RFTN1: variants seen among roughly 807,000 people sequenced by gnomAD.
RFTN1 encodes the protein raftlin.
In RFTN1, 26 loss-of-function variants were observed where a neutral mutation model predicts 46.5. The ratio of observed to expected loss-of-function variants is 0.56; its 90% confidence interval spans 0.41 to 0.78. RFTN1 has a LOEUF of 0.78. Ranked by LOEUF, RFTN1 falls within the 30% of genes least tolerant of loss-of-function variation. The pLI is 0.00. For synonymous variants in RFTN1, 261 were observed against 284.2 expected (o/e 0.92, Z 0.82); for missense variants, 693 against 718.7 (o/e 0.96, Z 0.41).
chr3:16,438,801 G>A (rs2075565686), intron 2 of RFTN1, among the ~76,000 whole-genome samples: 1 of 152,006 alleles, frequency 6.6e-6, no homozygotes, highest in South Asian at 2.1e-4. Flanking sequence ...ATCACAGGCG[G>A]TGGCACTGGC....
intron 6 of RFTN1, among the ~76,000 whole-genome samples, chr3:16,363,772 C>T (rs2072975768): frequency 1.3e-5 from 2 of 152,188 alleles, no homozygotes; most frequent in South Asian, 4.2e-4. Flanking sequence ...GACTAGCTGG[C>T]ATAACAGATC....
At position 16,328,511 on chromosome 3, in the gene RFTN1, T is replaced by A. The variant is rs558192791; in HGVS notation, c.1147-1635A>T. Reference sequence around the variant, plus strand: ...CTATAACTGGACACCAGTTCCAGAGTGGCTATCAAGTCACCTGAACCCTTG... The same window carrying A: ...CTATAACTGGACACCAGTTCCAGAGAGGCTATCAAGTCACCTGAACCCTTG... On this transcript the variant is annotated intron_variant, in intron 7 of 9. Transcript: ENST00000334133. Among the ~76,000 whole-genome samples, 15 of 152,336 alleles carry A rather than the reference T, an allele frequency of 9.8e-5. No individual in the cohort carries two copies. The South Asian group carries it at 2.9e-3, about 29-fold the overall frequency.
chr3:16,362,285 C>T (rs1482200763), intron 6 of RFTN1, among the ~76,000 whole-genome samples: 1 of 152,194 alleles, frequency 6.6e-6, no homozygotes, highest in African/African-American at 2.4e-5. Context: ...TATCAAACAG[C>T]CTTGGCAGAT....
Position 16,458,059 on chromosome 3 carries a change from G to A in RFTN1, c.146-24022C>T, listed in dbSNP as rs1017158810. ...CACCAGACACCAAACCTGCCAGCAA[G>A]TTGATCTTGGACTTCCCAGCCTCCA... On this transcript the variant is annotated intron_variant, in intron 2 of 9. Coordinates refer to ENST00000334133, the MANE Select transcript of RFTN1 (RefSeq NM_015150.2). The surrounding 1 kb of genome is among the most constrained non-coding windows in gnomAD (Gnocchi z 5.1). Among the ~76,000 whole-genome samples the A allele has an allele frequency of 6.6e-6, 1 of 152,146 alleles. No individual in the cohort carries two copies. The highest frequency in any genetic ancestry group is 2.4e-5 in the African/African-American group (1 of 41,420).
chr3:16,482,406 A>C (rs1704258178), intron 2 of RFTN1, among the ~76,000 whole-genome samples: 1 of 152,206 alleles, frequency 6.6e-6, no homozygotes, highest in Non-Finnish European at 1.5e-5. Context: ...CATGCAGCCA[A>C]ATTCTCCCTA....
intron 1 of RFTN1, among the ~76,000 whole-genome samples, chr3:16,511,156 C>T (rs1428700838): frequency 6.6e-6 from 1 of 152,118 alleles, no homozygotes; most frequent in Non-Finnish European, 1.5e-5. Flanking sequence ...GATGAAGGCA[C>T]CTGCTGGGGT....
intron 6 of RFTN1, among the ~76,000 whole-genome samples, chr3:16,359,183 T>G (rs2072671393): frequency 6.6e-6 from 1 of 152,146 alleles, no homozygotes; most frequent in African/African-American, 2.4e-5. Flanking sequence ...GAAGACTGAC[T>G]TAGAAGCAAG....
chr3:16,461,121 C>T lies in RFTN1; in HGVS notation c.146-27084G>A, dbSNP rs60841563. The stretch of plus-strand genomic sequence containing the variant: ...CCAATAACAAAACCACAACATGGGC[C>T]CCATTAAGCAAGGTTTAGGTAGAAG... On this transcript the variant is annotated intron_variant, in intron 2 of 9. Transcript: ENST00000334133. 6.0e-3 allele frequency among the ~76,000 whole-genome samples: 920 copies of T among 152,304 alleles called. 10 individuals carry two copies. Among genetic ancestry groups the T allele is most frequent in the African/African-American group, 0.021 (860 of 41,560 alleles).
rs2074931469 is a variant in RFTN1 at position 16,409,241 on chromosome 3, C to T, written c.441+134G>A. The T allele has an allele frequency of 6.8e-6, 4 of 591,716 alleles. No individual in the cohort carries two copies. In the South Asian group the frequency reaches 8.3e-5, roughly 12 times the overall value. 36.7% of individuals were successfully genotyped at this position (591,716 alleles called of 1,614,324 possible). ...TGGAGGGGGCTGCTTCCCTGTGGGG[C>T]TGCCAAAGGTTTAGGTCACAGCTCT... On this transcript the variant is annotated intron_variant, in intron 4 of 9. Transcript: ENST00000334133.
At chr3:16,357,156 A>AC (rs2072505741) in intron 7 of RFTN1, among the ~76,000 whole-genome samples, 1 of 147,230 alleles carries the variant, frequency 6.8e-6, no homozygotes, top group African/African-American at 2.7e-5. Flanking sequence ...AAACAAACAA[A>AC]AAAAACCAAG....
chr3:16,349,531 G>C (rs141055530), intron 7 of RFTN1: 5 of 152,246 alleles, frequency 3.3e-5, no homozygotes, highest in African/African-American at 1.2e-4. Context: ...TGTGAACTAC[G>C]TATGTGCATG....
rs1278948754 is a variant in RFTN1, at chr3:16,475,311, G to A, written c.145+18414C>T. The stretch of plus-strand genomic sequence containing the variant: ...TTTTATGGCAATACAAACAGACCAA[G>A]ACACCTAGTATGTTTAGAGTTTTGC... On this transcript the variant is annotated intron_variant, in intron 2 of 9. Coordinates refer to ENST00000334133, the MANE Select transcript of RFTN1 (RefSeq NM_015150.2). This position sits in a 1 kb window ranked among gnomAD's most constrained non-coding sequence, Gnocchi z 4.2. Among the ~76,000 whole-genome samples the A allele has an allele frequency of 6.6e-6, 1 of 152,180 alleles. No homozygotes were observed. The highest frequency in any genetic ancestry group is 1.5e-5 in the Non-Finnish European group (1 of 68,032).
At chr3:16,461,249 C>T (rs1387825441) in intron 2 of RFTN1, among the ~76,000 whole-genome samples, 1 of 151,116 alleles carries the variant, frequency 6.6e-6, no homozygotes, top group Non-Finnish European at 1.5e-5. Context: ...TACAGTGGGG[C>T]TCAATAAAAA....
Position 16,422,624 on chromosome 3 carries a change from C to T in RFTN1, c.332+11227G>A, listed in dbSNP as rs565663863. 4.7e-5 allele frequency among the ~76,000 whole-genome samples: 7 copies of T among 147,432 alleles called. No homozygotes were observed. The highest frequency in any genetic ancestry group is 2.1e-4 in the East Asian group (1 of 4,856). ...CCAGCCTGGTGACAAAGCGAGACTC[C>T]GTCTAAAAAAAAAAAAGAATAGTGC... is the stretch of plus-strand genomic sequence containing the variant. On this transcript the variant is annotated intron_variant, in intron 3 of 9. Transcript: ENST00000334133. The surrounding 1 kb of genome is among the most constrained non-coding windows in gnomAD (Gnocchi z 4.6).
chr3:16,482,627 G>A, intron 2 of RFTN1: 1 of 909,182 alleles, frequency 1.1e-6, no homozygotes, highest in African/African-American at 1.6e-5. Context: ...ACCTCACTGA[G>A]CCTTGTTTCC....
intron 2 of RFTN1, among the ~76,000 whole-genome samples, chr3:16,444,108 A>G (rs2075683112): frequency 6.6e-6 from 1 of 152,238 alleles, no homozygotes; most frequent in South Asian, 2.1e-4. Context: ...ATTATTCAGA[A>G]TCGGTAACGA....
chr3:16,394,546 C>T (rs1477365809), intron 4 of RFTN1, among the ~76,000 whole-genome samples: 1 of 152,144 alleles, frequency 6.6e-6, no homozygotes, highest in African/African-American at 2.4e-5. Flanking sequence ...AGAGGCTTCC[C>T]TTGGAAGGGG....
rs1319631911 is a variant in RFTN1 at position 16,507,617 on chromosome 3, CACACAT to C, written c.-9+5819_-9+5824del. Among the ~76,000 whole-genome samples, 2 of 131,788 alleles carry C rather than the reference CACACAT, an allele frequency of 1.5e-5. No homozygotes were observed. The highest frequency in any genetic ancestry group is 5.9e-5 in the African/African-American group (2 of 33,758). 86.5% of individuals were successfully genotyped at this position (131,788 alleles called of 152,430 possible). On this transcript the variant is annotated intron_variant, in intron 1 of 9. Transcript: ENST00000334133. The surrounding 1 kb of genome is among the most constrained non-coding windows in gnomAD (Gnocchi z 7.1). ...GTTTCAAAACACACACACACACACA[CACACAT>C]ACACACACACATGCACACATCCACA...
rs1285734571 is a variant in RFTN1 at position 16,440,724 on chromosome 3, T to C, written c.146-6687A>G. On this transcript the variant is annotated intron_variant, in intron 2 of 9. Coordinates refer to ENST00000334133, the MANE Select transcript of RFTN1 (RefSeq NM_015150.2). This position sits in a 1 kb window ranked among gnomAD's most constrained non-coding sequence, Gnocchi z 4.6. ...CCAATGGTGCCAGAACTTCTAACTC[T>C]TACTTTCAAGAAGTCAGAAATCTTA... Among the ~76,000 whole-genome samples, 1 of 152,188 alleles carries C rather than the reference T, an allele frequency of 6.6e-6. No individual in the cohort carries two copies. Among genetic ancestry groups the C allele is most frequent in the Non-Finnish European group, 1.5e-5 (1 of 68,028 alleles).
Sources: allele counts gnomAD v4.1 joint callset (sites outside exome capture counted in the v4.1 genomes callset), GRCh38; gene constraint gnomAD v4.1.1; non-coding constraint Gnocchi (gnomAD v3.1); transcripts MANE v1.5; gene names NCBI Gene and HGNC (gene_info 2026-07-23, HGNC 2026-07-21).